SALL4: variants seen among roughly 807,000 people sequenced by gnomAD.
SALL4 encodes spalt like transcription factor 4.
A neutral mutation model predicts 60.8 loss-of-function variants in SALL4; 4 were observed. The ratio of observed to expected loss-of-function variants is 0.07; its 90% CI spans 0.03 to 0.15. The LOEUF (loss-of-function observed/expected upper bound fraction) is 0.15. Ranked by LOEUF, SALL4 falls within the 10% of genes least tolerant of loss-of-function variation. The pLI is 1.00. For missense variants in SALL4, 1,178 were observed against 1,394.7 expected (o/e 0.84, Z 2.48); for synonymous variants, 580 against 574.9 (o/e 1.01, Z -0.13).
In SALL4 at chr20:51,788,505, G is replaced by A. The variant is rs1248556947; in HGVS notation, c.2742+356C>T. On this transcript the variant is annotated intron_variant, in intron 3 of 3. Transcript: ENST00000217086. The surrounding 1 kb of genome is among the most constrained non-coding windows in gnomAD (Gnocchi z 4.1). ...GGAGATCGAGACCATCCTGGCTAAC[G>A]CGGTGAAACCCCACCTCTACTAAAA... Among the ~76,000 whole-genome samples the A allele has an allele frequency of 3.9e-5, 6 of 152,102 alleles. No homozygotes were observed. Among genetic ancestry groups the A allele is most frequent in the South Asian group, 2.1e-4 (1 of 4,814 alleles).
In SALL4 at chr20:51,790,447, G is replaced by C. The variant is rs549741547; in HGVS notation, c.2036C>G (p.Thr679Ser). The change falls in exon 2 of 4, where the codon ACC becomes AGC. Residue 679 changes from threonine to serine, a missense_variant. Around this residue, in one of 5 missense-constraint regions of SALL4, gnomAD observed 853 missense variants for 1,036.8 expected, o/e 0.82. Coordinates refer to ENST00000217086, the MANE Select transcript of SALL4 (RefSeq NM_020436.5). This position sits in a 1 kb window ranked among gnomAD's most constrained non-coding sequence, Gnocchi z 5.5. ...GACATCATCATGGCAGATAGCGCCG[G>C]TGCTGCCGTTCTCACCCACGGTCAT... is the stretch of plus-strand genomic sequence containing the variant. Reference protein sequence around the residue: ...EPMTVGENGSTGAICHDDVIE... With the variant: ...EPMTVGENGSSGAICHDDVIE... 1.2e-4 allele frequency: 200 copies of C among 1,613,992 alleles called. No homozygotes were observed. Among genetic ancestry groups the C allele is most frequent in the Non-Finnish European group, 1.6e-4 (190 of 1,180,032 alleles).
chr20:51,785,929 A>G (rs2077989114), intron 3 of SALL4, among the ~76,000 whole-genome samples: 1 of 151,490 alleles, frequency 6.6e-6, no homozygotes, highest in African/African-American at 2.4e-5. Context: ...GGCGTGAGCC[A>G]CCACGTCCGG....
rs2078011304 is a variant in SALL4 at position 51,788,805 on chromosome 20, A to G, written c.2742+56T>C. On this transcript the variant is annotated intron_variant, in intron 3 of 3. Transcript: ENST00000217086. This position sits in a 1 kb window ranked among gnomAD's most constrained non-coding sequence, Gnocchi z 4.1. ...GAAGAACTCATCACGGCTTGTGCCA[A>G]TAAGAAGACACCTGGTGCCTAGCCC... The G allele has an allele frequency of 3.1e-6, 5 of 1,606,286 alleles. No individual in the cohort carries two copies. In the South Asian group the frequency reaches 3.3e-5, roughly 11 times the overall value.
At chr20:51,800,837 C>T (rs6063716) in intron 1 of SALL4, among the ~76,000 whole-genome samples, 5 of 152,146 alleles carry the variant, frequency 3.3e-5, no homozygotes, top group African/African-American at 1.2e-4. Context: ...CCAGCCATCC[C>T]CTCCGTCAAG....
rs761333198 is a variant in SALL4 at position 51,791,136 on chromosome 20, C to T, written c.1347G>A (p.Val449=). The change falls in exon 2 of 4, where the codon GTG becomes GTA. Residue 449 remains valine, a synonymous_variant. Coordinates refer to ENST00000217086, the MANE Select transcript of SALL4 (RefSeq NM_020436.5). The surrounding 1 kb of genome is among the most constrained non-coding windows in gnomAD (Gnocchi z 4.6). ...CATAGGGGATGCCATTGCCGGCCGCCACTTTGTCCTGGAACTCGGCAAACA... is the reference window on the plus strand; with the variant it reads ...CATAGGGGATGCCATTGCCGGCCGCTACTTTGTCCTGGAACTCGGCAAACA... The part of the protein sequence containing the change: ...PQLFAEFQDK[V]AAGNGIPYAL... The T allele has an allele frequency of 2.2e-5, 35 of 1,614,034 alleles. No individual in the cohort carries two copies. The highest frequency in any genetic ancestry group is 2.8e-5 in the Non-Finnish European group (33 of 1,180,036).
At chr20:51,789,339 C>A (rs908779661) in intron 2 of SALL4, among the ~76,000 whole-genome samples, 198 bp from the exon 3 acceptor site, 5 of 151,392 alleles carry the variant, frequency 3.3e-5, no homozygotes, top group Admixed American at 6.6e-5. Context: ...GAAAAGGTAT[C>A]ACTTTGGGTT....
In SALL4 at chr20:51,788,833, A is replaced by G; in HGVS notation, c.2742+28T>C. 1 of 1,612,714 alleles carries G rather than the reference A, an allele frequency of 6.2e-7. No individual in the cohort carries two copies. Among genetic ancestry groups the G allele is most frequent in the Non-Finnish European group, 8.5e-7 (1 of 1,180,004 alleles). Reference sequence around the variant, plus strand: ...AGAAGACACCTGGTGCCTAGCCCCCATCCTGCTGAAAGCCCACACAAACCC... The same window carrying G: ...AGAAGACACCTGGTGCCTAGCCCCCGTCCTGCTGAAAGCCCACACAAACCC... On this transcript the variant is annotated intron_variant, in intron 3 of 3. Coordinates refer to ENST00000217086, the MANE Select transcript of SALL4 (RefSeq NM_020436.5). The surrounding 1 kb of genome is among the most constrained non-coding windows in gnomAD (Gnocchi z 4.1).
chr20:51,802,273 A>G lies in SALL4; in HGVS notation c.130+6T>C. 1 of 1,599,452 alleles carries G rather than the reference A, an allele frequency of 6.3e-7. No individual in the cohort carries two copies. On this transcript the variant is annotated splice_donor_region_variant and intron_variant, in intron 1 of 3. Transcript: ENST00000217086. ...CTCCCCGGGCGGGCGCCCCAGCCCC[A>G]CTCACCCAGCTCCCCCGCCGCGGGC...
chr20:51,798,417 C>A (rs2078091079), intron 1 of SALL4, among the ~76,000 whole-genome samples: 1 of 150,880 alleles, frequency 6.6e-6, no homozygotes, highest in East Asian at 1.9e-4. Context: ...TCTCCAGAGC[C>A]CCCCTGAACA....
intron 1 of SALL4, among the ~76,000 whole-genome samples, chr20:51,799,932 T>C (rs550518503): frequency 9.9e-5 from 15 of 152,260 alleles, no homozygotes; most frequent in African/African-American, 2.2e-4. Flanking sequence ...TAAAAAATTA[T>C]GTGAGACATA....
rs961240844 is a variant in SALL4 at position 51,791,376 on chromosome 20, C to A, written c.1107G>T (p.Val369=). ...CCGCCTCGTCTTTGGGTTTGACATC[C>A]ACCGCGGAGATGTTCGGTGGCTTCC... The part of the protein sequence containing the change: ...GKGKPPNISA[V]DVKPKDEAAL... The change falls in exon 2 of 4, where the codon GTG becomes GTT. Residue 369 remains valine, a synonymous_variant. Transcript: ENST00000217086. This position sits in a 1 kb window ranked among gnomAD's most constrained non-coding sequence, Gnocchi z 4.6. 6.2e-7 allele frequency: 1 copy of A among 1,614,112 alleles called. No individual in the cohort carries two copies. The highest frequency in any genetic ancestry group is 1.3e-5 in the African/African-American group (1 of 74,944).
In SALL4 at chr20:51,791,363, T is replaced by C. The variant is rs752576743; in HGVS notation, c.1120A>G (p.Lys374Glu). 2.7e-5 allele frequency: 43 copies of C among 1,614,196 alleles called. No individual in the cohort carries two copies. The highest frequency in any genetic ancestry group is 3.6e-5 in the Non-Finnish European group (43 of 1,180,036). ...TGCTTGTAGAGGGCCGCCTCGTCTTTGGGTTTGACATCCACCGCGGAGATG... is the reference window on the plus strand; with the variant it reads ...TGCTTGTAGAGGGCCGCCTCGTCTTCGGGTTTGACATCCACCGCGGAGATG... ...PNISAVDVKP[K>E]DEAALYKHKC... Residue 374 changes from lysine (K) to glutamate (E), a missense_variant, in exon 2 of 4, where the codon AAA becomes GAA. Coordinates refer to ENST00000217086, the MANE Select transcript of SALL4 (RefSeq NM_020436.5). The surrounding 1 kb of genome is among the most constrained non-coding windows in gnomAD (Gnocchi z 4.6).
In SALL4 at chr20:51,782,918, A is replaced by T. The variant is rs2077964386; in HGVS notation, c.*1347T>A. 1.3e-5 allele frequency: 2 copies of T among 152,218 alleles called. No individual in the cohort carries two copies. The highest frequency in any genetic ancestry group is 2.9e-5 in the Non-Finnish European group (2 of 68,040). The allele number at this position is 152,218 out of a possible 1,614,324, so 9.4% of individuals were successfully genotyped here. A position where few individuals can be genotyped will look rare whatever the true frequency, so the allele number is the denominator to read the frequency against. ...ACACTATGGCTACAAAAAATAAAAA[A>T]TAAATGAGGTAGATAAATTAAAGCT... On this transcript the variant is annotated 3_prime_UTR_variant, in exon 4 of 4. Transcript: ENST00000217086.
rs561738152 is a variant in SALL4, at chr20:51,789,974, T to A, written c.2461+48A>T. On this transcript the variant is annotated intron_variant, in intron 2 of 3. Coordinates refer to ENST00000217086, the MANE Select transcript of SALL4 (RefSeq NM_020436.5). The stretch of plus-strand genomic sequence containing the variant: ...AAGTTCAACCCAGGCTCCTTTTTGA[T>A]GACCTTGAGCCCAAAATGGACATAA... The A allele has an allele frequency of 9.3e-6, 15 of 1,612,038 alleles. No homozygotes were observed. In the East Asian group the frequency reaches 2.9e-4, roughly 31 times the overall value.
intron 2 of SALL4, 131 bp downstream of exon 2, chr20:51,789,890 TA>T: frequency 9.2e-7 from 1 of 1,082,054 alleles, no homozygotes; most frequent in Non-Finnish European, 1.4e-6. Flanking sequence ...TACCCAGAAG[TA>T]AAGAAAAGCT....
At chr20:51,787,775 G>A (rs1293980467) in intron 3 of SALL4, among the ~76,000 whole-genome samples, 1 of 151,366 alleles carries the variant, frequency 6.6e-6, no homozygotes, top group South Asian at 2.1e-4. Context: ...CCAAAGTGCT[G>A]AGAGTACAGG....
In SALL4 at chr20:51,791,516, G is replaced by A. The variant is rs1278551972; in HGVS notation, c.967C>T (p.Leu323Phe). 66 of 1,613,862 alleles carry A rather than the reference G, an allele frequency of 4.1e-5. No homozygotes were observed. Among genetic ancestry groups the A allele is most frequent in the Non-Finnish European group, 5.3e-5 (63 of 1,180,032 alleles). The change falls in exon 2 of 4, where the codon CTC (leucine) becomes TTC (phenylalanine). Residue 323 changes from leucine (L) to phenylalanine (F), a missense_variant. Coordinates refer to ENST00000217086, the MANE Select transcript of SALL4 (RefSeq NM_020436.5). The surrounding 1 kb of genome is among the most constrained non-coding windows in gnomAD (Gnocchi z 4.6). ...FTLKPDGTRV[L>F]PNVMSRLPSA... ...GGGAGGCGGGACATGACGTTCGGGA[G>A]CACCCGGGTCCCATCCGGCTTCAGA...
chr20:51,798,471 G>A (rs2078091748), intron 1 of SALL4, among the ~76,000 whole-genome samples: 1 of 147,756 alleles, frequency 6.8e-6, no homozygotes, highest in Non-Finnish European at 1.5e-5. Context: ...GGGGTGGGGG[G>A]GGATTGTGGT....
At position 51,784,035 on chromosome 20, in the gene SALL4, G is replaced by A. The variant is rs2077971918; in HGVS notation, c.*230C>T. ...ACTCCATCTCAAAAAAAAAGAGTCT[G>A]TATTTGTTTTGGTATGCATTTTTTT... On this transcript the variant is annotated 3_prime_UTR_variant, in exon 4 of 4. Transcript: ENST00000217086. 1 of 569,414 alleles carries A rather than the reference G, an allele frequency of 1.8e-6. No individual in the cohort carries two copies. The highest frequency in any genetic ancestry group is 1.9e-5 in the African/African-American group (1 of 53,260). 35.3% of individuals were successfully genotyped at this position (569,414 alleles called of 1,614,324 possible).
Sources: gnomAD v4.1 joint callset for allele counts (sites outside exome capture counted in the v4.1 genomes callset) on GRCh38, gnomAD v4.1.1 for gene constraint, gnomAD v4.1.1 regional missense constraint, Gnocchi (gnomAD v3.1) non-coding constraint, MANE v1.5 for transcripts, NCBI Gene and HGNC (gene_info 2026-07-23, HGNC 2026-07-21) for gene names.